TTC16: variants seen among roughly 807,000 people sequenced by gnomAD.
The protein encoded by TTC16 is tetratricopeptide repeat domain 16.
Under a neutral mutation model 80.4 loss-of-function variants are expected in TTC16, and 66 were observed. The ratio of observed to expected loss-of-function variants is 0.82; its 90% CI spans 0.67 to 1.01. The LOEUF is 1.01. Among genes scored for constraint, TTC16 ranks in the 50% least tolerant of loss-of-function variants. TTC16 has a pLI of 0.00. For missense variants in TTC16, 1,070 were observed against 1,103.2 expected (o/e 0.97, Z 0.43); for synonymous variants, 438 against 451.3 (o/e 0.97, Z 0.37).
chr9:127,723,484 A>G, intron 7 of TTC16, 151 bp downstream of exon 7: 2 of 748,892 alleles, frequency 2.7e-6, no homozygotes, highest in South Asian at 3.7e-5. Context: ...GGGTTAAGGC[A>G]TTGCAGAGGT....
At position 127,716,122 on chromosome 9, in the gene TTC16, C is replaced by A. The variant is rs766273773; in HGVS notation, c.-24C>A. On this transcript the variant is annotated 5_prime_UTR_variant, in exon 1 of 14. Coordinates refer to ENST00000373289, the MANE Select transcript of TTC16 (RefSeq NM_144965.3). ...GCCGCGAGGTAGTTGGCAGAGGCCT[C>A]GGGGTCCTCCTGGAAGGGGCCTCAT... 5 of 1,613,634 alleles carry A rather than the reference C, an allele frequency of 3.1e-6. No individual in the cohort carries two copies. The highest frequency in any genetic ancestry group is 1.3e-5 in the African/African-American group (1 of 74,926).
In TTC16 at chr9:127,727,285, C is replaced by G. The variant is rs749065817; in HGVS notation, c.1584C>G (p.His528Gln). 15 of 1,566,714 alleles carry G rather than the reference C, an allele frequency of 9.6e-6. No homozygotes were observed. The highest frequency in any genetic ancestry group is 9.3e-5 in the South Asian group (8 of 86,280). The part of the protein sequence containing the change: ...PQGIVGMLKR[H>Q]ELERQKALAL... Reference sequence around the variant, plus strand: ...CGTTTGGCAGGATGCTTAAACGGCACGAGTTGGAGCGCCAGAAGGCCTTGG... The same window carrying G: ...CGTTTGGCAGGATGCTTAAACGGCAGGAGTTGGAGCGCCAGAAGGCCTTGG... Residue 528 changes from histidine to glutamine, a missense_variant, in exon 12 of 14, where the codon CAC becomes CAG. Coordinates refer to ENST00000373289, the MANE Select transcript of TTC16 (RefSeq NM_144965.3).
chr9:127,722,986 G>C lies in TTC16; in HGVS notation c.658-133G>C. 2 of 776,232 alleles carry C rather than the reference G, an allele frequency of 2.6e-6. No individual in the cohort carries two copies. The highest frequency in any genetic ancestry group is 4.0e-6 in the Non-Finnish European group (2 of 497,350). The allele number at this position is 776,232 out of a possible 1,614,324, so 48.1% of individuals were successfully genotyped here. On this transcript the variant is annotated intron_variant, in intron 6 of 13. Transcript: ENST00000373289. The surrounding 1 kb of genome is among the most constrained non-coding windows in gnomAD (Gnocchi z 4.2). The stretch of plus-strand genomic sequence containing the variant: ...CCATCTCAAAAAAAAAAAAAAAGCA[G>C]AAAGGGTGGAACATGGAGGGATGTG...
chr9:127,723,265 G>GC lies in TTC16; in HGVS notation c.805dup (p.His269ProfsTer226). ...TCCTGGCTGTGCAGGGCAAGCTGCA[G>GC]CACGCACTGCAGCGGATCAACCGTG... On this transcript the variant is annotated frameshift_variant, in exon 7 of 14. Coordinates refer to ENST00000373289, the MANE Select transcript of TTC16 (RefSeq NM_144965.3). LOFTEE classifies it high-confidence loss of function. The GC allele has an allele frequency of 6.2e-7, 1 of 1,612,952 alleles. No individual in the cohort carries two copies. Among genetic ancestry groups the GC allele is most frequent in the Non-Finnish European group, 8.5e-7 (1 of 1,180,040 alleles).
chr9:127,716,802 C>T (rs757564332), intron 1 of TTC16, 42 bp from the exon 2 acceptor site: 4 of 1,574,562 alleles, frequency 2.5e-6, no homozygotes, highest in Non-Finnish European at 3.5e-6. Flanking sequence ...GGGTGGGGGT[C>T]GTCTCGGGGG....
At chr9:127,724,923 G>A in intron 9 of TTC16, 26 bp downstream of exon 9, 4 of 1,481,188 alleles carry the variant, frequency 2.7e-6, no homozygotes, top group East Asian at 2.5e-5. Flanking sequence ...CCCCCACGGT[G>A]GGCGGGGCAG....
At chr9:127,724,726 G>A in intron 8 of TTC16, 30 bp from the exon 9 acceptor site, 1 of 1,597,922 alleles carries the variant, frequency 6.3e-7, no homozygotes, top group Non-Finnish European at 8.5e-7. Flanking sequence ...GGGAGTTGGG[G>A]GTCCACTCAC....
rs74451449 is a variant in TTC16, at chr9:127,722,416, T to G, written c.658-703T>G. Among the ~76,000 whole-genome samples the G allele has an allele frequency of 8.7e-4, 131 of 151,378 alleles. 1 individual carries two copies. The East Asian group carries it at 0.024, about 28-fold the overall frequency. ...CCGAATCTGGGCTTGGGCAGAGGAG[T>G]CTTGGGCTCAAAGGTCAGGGAGGAG... On this transcript the variant is annotated intron_variant, in intron 6 of 13. Coordinates refer to ENST00000373289, the MANE Select transcript of TTC16 (RefSeq NM_144965.3). This position sits in a 1 kb window ranked among gnomAD's most constrained non-coding sequence, Gnocchi z 4.2.
chr9:127,727,635 C>G (rs1844089145), intron 12 of TTC16, 170 bp downstream of exon 12: 1 of 1,352,836 alleles, frequency 7.4e-7, no homozygotes, highest in Admixed American at 2.9e-5. Context: ...GGGGATGGTA[C>G]CAGCAAGGGG....
In TTC16 at chr9:127,730,925, A is replaced by C. The variant is rs1456443096; in HGVS notation, c.2142A>C (p.Gln714His). 1 of 1,610,012 alleles carries C rather than the reference A, an allele frequency of 6.2e-7. No individual in the cohort carries two copies. The part of the protein sequence containing the change: ...KRNSSKTKAT[Q>H]SQRRNSSKTR... ...ACTCCAGCAAGACCAAGGCCACCCA[A>C]AGCCAGAGGCGGAACTCCAGCAAGA... Residue 714 changes from glutamine to histidine, a missense_variant, in exon 14 of 14, where the codon CAA becomes CAC. By Grantham distance (24) the Gln-to-His change is conservative. Transcript: ENST00000373289.
Position 127,716,118 on chromosome 9 carries a change from G to A in TTC16, c.-28G>A, listed in dbSNP as rs376701128. The A allele has an allele frequency of 1.1e-4, 177 of 1,613,840 alleles. No homozygotes were observed. The highest frequency in any genetic ancestry group is 1.5e-4 in the Non-Finnish European group (172 of 1,180,012). The stretch of plus-strand genomic sequence containing the variant: ...CAGGGCCGCGAGGTAGTTGGCAGAG[G>A]CCTCGGGGTCCTCCTGGAAGGGGCC... On this transcript the variant is annotated 5_prime_UTR_variant, in exon 1 of 14. Coordinates refer to ENST00000373289, the MANE Select transcript of TTC16 (RefSeq NM_144965.3).
intron 2 of TTC16, 105 bp downstream of exon 2, chr9:127,717,121 A>C (rs940135755): frequency 1.6e-5 from 23 of 1,447,036 alleles, no homozygotes; most frequent in Non-Finnish European, 1.8e-5. Context: ...CAGTGAACTC[A>C]ACTGTCTAAT....
At chr9:127,723,915 A>G (rs1296486101) in intron 7 of TTC16, among the ~76,000 whole-genome samples, 1 of 151,904 alleles carries the variant, frequency 6.6e-6, no homozygotes, top group Non-Finnish European at 1.5e-5. Flanking sequence ...CAAAAAAAAA[A>G]AAATGCTCAG....
At position 127,722,688 on chromosome 9, in the gene TTC16, A is replaced by G. The variant is rs539684863; in HGVS notation, c.658-431A>G. Among the ~76,000 whole-genome samples, 3 of 152,018 alleles carry G rather than the reference A, an allele frequency of 2.0e-5. No homozygotes were observed. In the East Asian group the frequency reaches 5.8e-4, roughly 30 times the overall value. On this transcript the variant is annotated intron_variant, in intron 6 of 13. Transcript: ENST00000373289. This position sits in a 1 kb window ranked among gnomAD's most constrained non-coding sequence, Gnocchi z 4.2. The stretch of plus-strand genomic sequence containing the variant: ...AGGCAGAAAGGGGCCAGGCATGGAG[A>G]CTCAAACCTGTAATCCCAGCACTTC...
intron 12 of TTC16, 180 bp from the exon 13 acceptor site, chr9:127,729,401 C>T (rs961360037): frequency 1.2e-5 from 7 of 585,494 alleles, no homozygotes; most frequent in African/African-American, 1.9e-5. Context: ...CTAGCCTGGT[C>T]GCTCCCCTTC....
intron 6 of TTC16, among the ~76,000 whole-genome samples, chr9:127,721,612 G>A (rs1433447156): frequency 6.6e-6 from 1 of 152,164 alleles, no homozygotes; most frequent in Admixed American, 6.5e-5. Context: ...TGACTTCGGG[G>A]AGTGCAGTCC....
At chr9:127,723,999 C>G (rs1843699512) in intron 7 of TTC16, 121 bp from the exon 8 acceptor site, 1 of 1,348,604 alleles carries the variant, frequency 7.4e-7, no homozygotes, top group Non-Finnish European at 9.8e-7. Flanking sequence ...GGTGGGATCC[C>G]CACTGCCTCC....
chr9:127,723,667 G>A (rs1240192766), intron 7 of TTC16, among the ~76,000 whole-genome samples: 1 of 152,214 alleles, frequency 6.6e-6, no homozygotes, highest in Non-Finnish European at 1.5e-5. Context: ...CATTTCAGGA[G>A]GGAGTGCCGC....
intron 12 of TTC16, chr9:127,727,678 C>A: frequency 9.8e-7 from 1 of 1,025,114 alleles, no homozygotes; most frequent in Non-Finnish European, 1.3e-6. Flanking sequence ...GGGATGTGGG[C>A]CCTCAGAGAG....
Sources: gnomAD v4.1 joint callset for allele counts (sites outside exome capture counted in the v4.1 genomes callset) on GRCh38, gnomAD v4.1.1 for gene constraint, Gnocchi (gnomAD v3.1) non-coding constraint, MANE v1.5 for transcripts, NCBI Gene and HGNC (gene_info 2026-07-23, HGNC 2026-07-21) for gene names.